Variants in ADAMTS3 observed in about 807,000 individuals in gnomAD.
ADAMTS3 encodes A disintegrin and metalloproteinase with thrombospondin motifs 3.
In ADAMTS3, 73 loss-of-function variants were observed where a neutral mutation model predicts 129.0. That is an observed-to-expected ratio of 0.57 (90% confidence interval 0.47 to 0.69). The LOEUF is 0.69. Ranked by LOEUF, ADAMTS3 falls within the 30% of genes least tolerant of loss-of-function variation. The pLI is 0.00. For missense variants in ADAMTS3, 1,457 were observed against 1,514.5 expected, an observed-to-expected ratio of 0.96 and a Z score of 0.63; for synonymous variants, 477 against 510.8, an observed-to-expected ratio of 0.93 and a Z score of 0.89.
At chr4:72,358,472 T>C (rs1720638106) in intron 4 of ADAMTS3, among the ~76,000 whole-genome samples, 1 of 151,990 alleles carries the variant, frequency 6.6e-6, no homozygotes, top group African/African-American at 2.4e-5. Context: ...AATATACTGC[T>C]TTTTACTATC....
chr4:72,445,452 A>T (rs1469141871), intron 3 of ADAMTS3, among the ~76,000 whole-genome samples: 1 of 151,740 alleles, frequency 6.6e-6, no homozygotes, highest in Non-Finnish European at 1.5e-5. Context: ...GCTTCAAAAC[A>T]TCACTTAAGT....
chr4:72,530,831 T>C (rs1336831229), intron 3 of ADAMTS3, among the ~76,000 whole-genome samples: 8 of 122,550 alleles, frequency 6.5e-5, no homozygotes, highest in African/African-American at 1.9e-4. Context: ...ATATAGATTA[T>C]ATATAATATA....
intron 3 of ADAMTS3, among the ~76,000 whole-genome samples, chr4:72,509,423 T>C (rs547023977): frequency 2.0e-5 from 3 of 151,436 alleles, no homozygotes; most frequent in South Asian, 2.1e-4. Flanking sequence ...AAATCAGAAA[T>C]GAAAAACAGA....
intron 3 of ADAMTS3, among the ~76,000 whole-genome samples, chr4:72,431,062 C>A (rs1270087096): frequency 6.6e-6 from 1 of 151,430 alleles, no homozygotes; most frequent in African/African-American, 2.4e-5. Context: ...ATTAGAACAA[C>A]CATGGAGCAA....
Position 72,389,979 on chromosome 4 carries a change from TGA to T in ADAMTS3, c.661+24834_661+24835del, listed in dbSNP as rs1208865833. Among the ~76,000 whole-genome samples the T allele has an allele frequency of 4.6e-5, 7 of 152,054 alleles. No individual in the cohort carries two copies. The East Asian group carries it at 1.3e-3, about 29-fold the overall frequency. ...ATACACACATATAGGCCTGCAAGAATGAGAGACAGAAACGAGTGGAGAAGAGG... is the reference window on the plus strand; with the variant it reads ...ATACACACATATAGGCCTGCAAGAATGAGACAGAAACGAGTGGAGAAGAGG... On this transcript the variant is annotated intron_variant, in intron 4 of 21. Transcript: ENST00000286657.
At chr4:72,386,005 A>G (rs1211488763) in intron 4 of ADAMTS3, among the ~76,000 whole-genome samples, 4 of 152,076 alleles carry the variant, frequency 2.6e-5, no homozygotes, top group African/African-American at 9.7e-5. Flanking sequence ...TAGGCGTGTT[A>G]AGAAATCTAT....
intron 4 of ADAMTS3, among the ~76,000 whole-genome samples, chr4:72,370,459 C>A (rs1023961640): frequency 6.6e-6 from 1 of 152,148 alleles, no homozygotes; most frequent in African/African-American, 2.4e-5. Context: ...TCTGCGCTGC[C>A]ATTTACATGG....
At chr4:72,365,223 G>A (rs1720840575) in intron 4 of ADAMTS3, among the ~76,000 whole-genome samples, 1 of 152,184 alleles carries the variant, frequency 6.6e-6, no homozygotes, top group Non-Finnish European at 1.5e-5. Flanking sequence ...TGGCCATGAA[G>A]GAGAACAGGT....
chr4:72,473,450 T>TA (rs955839065), intron 3 of ADAMTS3, among the ~76,000 whole-genome samples: 2 of 146,974 alleles, frequency 1.4e-5, no homozygotes, highest in East Asian at 2.0e-4. Context: ...AACAAAGCCC[T>TA]AAAAAAAACA....
At chr4:72,290,829 T>G in intron 20 of ADAMTS3, 26 bp downstream of exon 20, 1 of 1,604,846 alleles carries the variant, frequency 6.2e-7, no homozygotes, top group Non-Finnish European at 8.5e-7. Context: ...ACTTTACTTA[T>G]GCATGCACGG....
intron 4 of ADAMTS3, among the ~76,000 whole-genome samples, chr4:72,411,177 C>T (rs564467623): frequency 1.1e-4 from 17 of 152,124 alleles, no homozygotes; most frequent in African/African-American, 3.1e-4. Context: ...AAGAAGAATC[C>T]GCTATATATG....
chr4:72,437,437 AC>A (rs1318652282), intron 3 of ADAMTS3, among the ~76,000 whole-genome samples: 1 of 151,808 alleles, frequency 6.6e-6, no homozygotes, highest in African/African-American at 2.4e-5. Context: ...TTATTGCAAC[AC>A]AAAGATTATC....
At chr4:72,457,164 C>T (rs1263985070) in intron 3 of ADAMTS3, among the ~76,000 whole-genome samples, 2 of 151,606 alleles carry the variant, frequency 1.3e-5, no homozygotes, top group African/African-American at 4.8e-5. Context: ...TGTTTGGTAA[C>T]CTGAAATGTT....
At chr4:72,418,253 T>G (rs1376444300) in intron 3 of ADAMTS3, among the ~76,000 whole-genome samples, 1 of 152,078 alleles carries the variant, frequency 6.6e-6, no homozygotes, top group African/African-American at 2.4e-5. Flanking sequence ...CACATCACAA[T>G]AAACCTTCGC....
At position 72,305,746 on chromosome 4, in the gene ADAMTS3, T is replaced by C. The variant is rs28553870; in HGVS notation, c.2260+241A>G. Among the ~76,000 whole-genome samples the C allele has an allele frequency of 0.21, 31,130 of 149,278 alleles. 4,043 individuals are homozygous for C. The highest frequency in any genetic ancestry group is 0.29 in the Non-Finnish European group (20,017 of 67,866). The stretch of plus-strand genomic sequence containing the variant: ...ATATACGTATGCACATGTATGTACA[T>C]ATACATATGCACATGTACACACATA... On this transcript the variant is annotated intron_variant, in intron 16 of 21. Coordinates refer to ENST00000286657, the MANE Select transcript of ADAMTS3 (RefSeq NM_014243.3).
At chr4:72,307,532 A>G (rs1399013854) in intron 15 of ADAMTS3, among the ~76,000 whole-genome samples, 1 of 152,020 alleles carries the variant, frequency 6.6e-6, no homozygotes, top group East Asian at 1.9e-4. Context: ...TGGAGGGTTC[A>G]TGTTTATCAA....
At chr4:72,539,090 G>T (rs1268339559) in intron 3 of ADAMTS3, among the ~76,000 whole-genome samples, 1 of 151,856 alleles carries the variant, frequency 6.6e-6, no homozygotes, top group Non-Finnish European at 1.5e-5. Flanking sequence ...TAGGGCAAAA[G>T]CTTCACAACA....
At chr4:72,460,723 A>G (rs1272347870) in intron 3 of ADAMTS3, among the ~76,000 whole-genome samples, 3 of 151,638 alleles carry the variant, frequency 2.0e-5, no homozygotes, top group African/African-American at 7.2e-5. Context: ...GAAATGCTAG[A>G]TAAGACCAAA....
chr4:72,533,360 G>A (rs1303279359), intron 3 of ADAMTS3, among the ~76,000 whole-genome samples: 1 of 152,106 alleles, frequency 6.6e-6, no homozygotes, highest in South Asian at 2.1e-4. Flanking sequence ...TAACATGCAC[G>A]GAGCTGTCAT....
Sources: gnomAD v4.1 joint callset for allele counts (sites outside exome capture counted in the v4.1 genomes callset) on GRCh38, gnomAD v4.1.1 for gene constraint, MANE v1.5 for transcripts, NCBI Gene and HGNC (gene_info 2026-07-23, HGNC 2026-07-21) for gene names.